The following MAGI2 variants were observed in gnomAD, a reference collection of about 807,000 sequenced individuals.
The protein encoded by MAGI2 is membrane associated guanylate kinase, WW and PDZ domain containing 2, also known as membrane-associated guanylate kinase, WW and PDZ domain-containing protein 2.
MAGI2 carries 35 observed loss-of-function variants against 133.3 expected under a neutral mutation model. That is an observed-to-expected ratio of 0.26 (90% confidence interval 0.20 to 0.35). The LOEUF is 0.35. Among genes scored for constraint, MAGI2 ranks in the 10% least tolerant of loss-of-function variants. The pLI, the probability that MAGI2 is intolerant of heterozygous loss-of-function variation, is 1.00. For missense variants in MAGI2, 1,636 were observed against 1,863.4 expected (o/e 0.88, Z 2.25); for synonymous variants, 729 against 710.6 (o/e 1.03, Z -0.41).
intron 2 of MAGI2, among the ~76,000 whole-genome samples, chr7:78,815,761 T>C (rs893917868): frequency 6.6e-6 from 1 of 152,224 alleles, no homozygotes; most frequent in Non-Finnish European, 1.5e-5. Context: ...TCAAGAAATG[T>C]ATATATTCTT....
In MAGI2 at chr7:79,003,453, A is replaced by T. The variant is rs374276222; in HGVS notation, c.418+3637T>A. On this transcript the variant is annotated intron_variant, in intron 2 of 21. Coordinates refer to ENST00000354212, the MANE Select transcript of MAGI2 (RefSeq NM_012301.4). ...GACCTATTCCTGATGCCAATGCTAG[A>T]TTAAACAAGGAGTGAATGTATCATT... 5.9e-5 allele frequency among the ~76,000 whole-genome samples: 9 copies of T among 152,328 alleles called. No individual in the cohort carries two copies. In the East Asian group the frequency reaches 7.7e-4, roughly 13 times the overall value.
chr7:78,736,890 A>G (rs992098892), intron 2 of MAGI2, among the ~76,000 whole-genome samples: 19 of 152,204 alleles, frequency 1.2e-4, no homozygotes, highest in Non-Finnish European at 4.4e-5. Flanking sequence ...ATGTGACAAA[A>G]TGAAAAATGC....
At chr7:79,312,303 T>A (rs150924811) in intron 1 of MAGI2, among the ~76,000 whole-genome samples, 299 of 152,258 alleles carry the variant, frequency 2.0e-3, no homozygotes, top group African/African-American at 6.9e-3. Context: ...TACTCTTTGA[T>A]CTGTTTCCCT....
intron 3 of MAGI2, among the ~76,000 whole-genome samples, chr7:78,579,590 C>A (rs1802630793): frequency 6.6e-6 from 1 of 152,134 alleles, no homozygotes; most frequent in South Asian, 2.1e-4. Flanking sequence ...ACTAACTAGC[C>A]TTTTTATGCC....
intron 3 of MAGI2, among the ~76,000 whole-genome samples, chr7:78,609,764 T>C (rs1426523753): frequency 2.0e-5 from 3 of 152,166 alleles, no homozygotes; most frequent in African/African-American, 7.2e-5. Context: ...GACACCCTAA[T>C]GGATCTCCTG....
intron 1 of MAGI2, among the ~76,000 whole-genome samples, chr7:79,337,694 A>G (rs1325165449): frequency 6.6e-6 from 1 of 152,152 alleles, no homozygotes; most frequent in Non-Finnish European, 1.5e-5. Context: ...TGCTGGAAAA[A>G]AAAGTGCTTT....
intron 20 of MAGI2, among the ~76,000 whole-genome samples, chr7:78,098,187 A>G (rs1171840338): frequency 6.6e-6 from 1 of 152,120 alleles, no homozygotes; most frequent in Non-Finnish European, 1.5e-5. Context: ...AGCCCCTTGC[A>G]TGCTTTCTGA....
intron 10 of MAGI2, among the ~76,000 whole-genome samples, chr7:78,208,735 G>A (rs774004337): frequency 1.3e-4 from 19 of 150,602 alleles, no homozygotes; most frequent in Non-Finnish European, 2.1e-4. Context: ...AGATTTTAAA[G>A]TAATTTAAGA....
chr7:78,600,162 A>G (rs116903416), intron 3 of MAGI2, among the ~76,000 whole-genome samples: 1,622 of 152,300 alleles, frequency 0.011, 13 homozygotes, highest in Non-Finnish European at 0.018. Context: ...AAATTTACCT[A>G]AATACATAAA....
chr7:78,814,107 T>C (rs139368843), intron 2 of MAGI2, among the ~76,000 whole-genome samples: 2 of 152,196 alleles, frequency 1.3e-5, no homozygotes, highest in Admixed American at 1.3e-4. Flanking sequence ...TATATAAAAA[T>C]CAATAAAAAA....
intron 2 of MAGI2, among the ~76,000 whole-genome samples, chr7:78,844,748 C>T (rs2151469231): frequency 6.6e-6 from 1 of 151,796 alleles, no homozygotes; most frequent in East Asian, 1.9e-4. Flanking sequence ...TTATACAACA[C>T]TGCAAATATA....
chr7:78,498,903 C>G (rs1794370497), intron 5 of MAGI2, among the ~76,000 whole-genome samples: 1 of 152,098 alleles, frequency 6.6e-6, no homozygotes, highest in Non-Finnish European at 1.5e-5. Flanking sequence ...CTCCTTCTTT[C>G]ACCTTAGTCT....
rs148563093 is a variant in MAGI2 at position 78,318,809 on chromosome 7, C to T, written c.1408+24969G>A. Among the ~76,000 whole-genome samples, 646 of 152,120 alleles carry T rather than the reference C, an allele frequency of 4.2e-3. 2 individuals are homozygous for T. The highest frequency in any genetic ancestry group is 0.015 in the African/African-American group (629 of 41,510). ...CTACAAGCCAGAAGTGAATGGGGGC[C>T]GATATTCAACATTCTTAAAAGAATT... On this transcript the variant is annotated intron_variant, in intron 9 of 21. Transcript: ENST00000354212.
chr7:78,162,663 A>G (rs1471501084), intron 15 of MAGI2, among the ~76,000 whole-genome samples: 1 of 152,210 alleles, frequency 6.6e-6, no homozygotes, highest in Non-Finnish European at 1.5e-5. Flanking sequence ...TGGGTAAGTC[A>G]AAGAGTCATA....
chr7:78,963,852 T>A (rs1333994024), intron 2 of MAGI2, among the ~76,000 whole-genome samples: 3 of 152,090 alleles, frequency 2.0e-5, no homozygotes, highest in Non-Finnish European at 2.9e-5. Context: ...TATCAGGGCA[T>A]CAGAGTTTTT....
At chr7:78,912,429 G>A (rs1394884531) in intron 2 of MAGI2, among the ~76,000 whole-genome samples, 1 of 152,022 alleles carries the variant, frequency 6.6e-6, no homozygotes, top group East Asian at 1.9e-4. Flanking sequence ...TGCCAAAGGA[G>A]ATTAACATTT....
intron 1 of MAGI2, among the ~76,000 whole-genome samples, chr7:79,108,852 C>G (rs1262544135): frequency 2.0e-5 from 3 of 152,092 alleles, no homozygotes; most frequent in Non-Finnish European, 4.4e-5. Context: ...GAATGAGTTA[C>G]TCACAAGATC....
At chr7:79,143,812 A>T (rs901212239) in intron 1 of MAGI2, among the ~76,000 whole-genome samples, 4 of 152,186 alleles carry the variant, frequency 2.6e-5, no homozygotes, top group African/African-American at 9.6e-5. Context: ...TAAAATTTCA[A>T]TATTACTATC....
intron 2 of MAGI2, among the ~76,000 whole-genome samples, chr7:78,702,558 C>T (rs1459744202): frequency 1.3e-5 from 2 of 151,856 alleles, no homozygotes; most frequent in African/African-American, 4.8e-5. Context: ...ATAATTAGAA[C>T]AATGATAGAG....
Sources: allele counts gnomAD v4.1 joint callset (sites outside exome capture counted in the v4.1 genomes callset), GRCh38; gene constraint gnomAD v4.1.1; transcripts MANE v1.5; gene names NCBI Gene and HGNC (gene_info 2026-07-23, HGNC 2026-07-21).